The following ZNF100 variants were observed in gnomAD, a reference collection of about 807,000 sequenced individuals.
ZNF100 encodes zinc finger protein 100 (Y1).
A neutral mutation model predicts 15.8 loss-of-function variants in ZNF100; 12 were observed. The ratio of observed to expected loss-of-function variants is 0.76; its 90% CI spans 0.49 to 1.23. ZNF100 has a LOEUF of 1.23. Ranked by LOEUF, ZNF100 falls within the 50% of genes most tolerant of loss-of-function variation. ZNF100 has a pLI of 0.00. For synonymous variants in ZNF100, 226 were observed against 214.8 expected (o/e 1.05, Z -0.45); for missense variants, 670 against 635.6 (o/e 1.05, Z -0.58).
intron 2 of ZNF100, chr19:21,750,851 G>C: frequency 2.1e-6 from 1 of 484,896 alleles, no homozygotes; most frequent in South Asian, 3.9e-5. Context: ...CGCCCCATGG[G>C]GAACACGCTG....
intron 2 of ZNF100, among the ~76,000 whole-genome samples, chr19:21,765,149 GT>G (rs1374054865): frequency 2.6e-5 from 4 of 152,106 alleles, no homozygotes; most frequent in African/African-American, 9.7e-5. Flanking sequence ...CATGACCTTT[GT>G]AAATATTTTT....
At chr19:21,728,854 G>A (rs1202789319) in intron 4 of ZNF100, among the ~76,000 whole-genome samples, 1 of 151,824 alleles carries the variant, frequency 6.6e-6, no homozygotes, top group African/African-American at 2.4e-5. Flanking sequence ...ATAATACTCA[G>A]TGAGTGAAAC....
At chr19:21,738,512 A>AT in intron 4 of ZNF100, among the ~76,000 whole-genome samples, 1 of 152,034 alleles carries the variant, frequency 6.6e-6, no homozygotes. Context: ...TAAGACTGCA[A>AT]ATCTACAACT....
rs777623781 is a variant in ZNF100 at position 21,726,888 on chromosome 19, T to C, written c.1424A>G (p.His475Arg). ...TTTCTCTCCAGTATGAATCATCTTA[T>C]GTGCAGTTAGTTGTGAGGACCGGTT... ...AFNRSSQLTA[H>R]KMIHTGEKPY... The change falls in exon 5 of 5, where the codon CAT (histidine) becomes CGT (arginine). Residue 475 changes from histidine (H) to arginine (R), a missense_variant. His to Arg is a conservative substitution (Grantham distance 29). Transcript: ENST00000358296. 3 of 1,613,298 alleles carry C rather than the reference T, an allele frequency of 1.9e-6. No individual in the cohort carries two copies. Among genetic ancestry groups the C allele is most frequent in the East Asian group, 2.2e-5 (1 of 44,756 alleles).
intron 2 of ZNF100, chr19:21,750,580 A>T (rs1378114548): frequency 6.3e-6 from 1 of 158,912 alleles, no homozygotes; most frequent in African/African-American, 2.4e-5. Flanking sequence ...TCACATAAAG[A>T]GAACGAAAGA....
chr19:21,744,534 G>A (rs777337071), intron 3 of ZNF100, among the ~76,000 whole-genome samples: 15 of 151,904 alleles, frequency 9.9e-5, no homozygotes, highest in South Asian at 2.1e-4. Context: ...CACCATGCCC[G>A]GCTATTTCTG....
chr19:21,736,212 T>C (rs2036006123), intron 4 of ZNF100, among the ~76,000 whole-genome samples: 1 of 152,164 alleles, frequency 6.6e-6, no homozygotes, highest in Admixed American at 6.5e-5. Flanking sequence ...CTCAGCTTCC[T>C]GAGTAGGTGG....
Position 21,734,613 on chromosome 19 carries a change from G to C in ZNF100, c.323-6624C>G, listed in dbSNP as rs2035977190. ...GTACACTAAAGAGAGGGAAAGAATG[G>C]AACCAAGTTGGAAAACATACTTCAG... On this transcript the variant is annotated intron_variant, in intron 4 of 4. Coordinates refer to ENST00000358296, the MANE Select transcript of ZNF100 (RefSeq NM_173531.4). Among the ~76,000 whole-genome samples the C allele has an allele frequency of 2.0e-5, 3 of 152,084 alleles. No homozygotes were observed. In the South Asian group the frequency reaches 6.2e-4, roughly 32 times the overall value.
At chr19:21,751,511 G>A (rs2036306100) in intron 2 of ZNF100, 1 of 1,092,670 alleles carries the variant, frequency 9.2e-7, no homozygotes, top group African/African-American at 1.5e-5. Context: ...AACTTATGCT[G>A]AAATCGACAT....
At chr19:21,747,086 C>T (rs1482806899) in intron 2 of ZNF100, among the ~76,000 whole-genome samples, 1 of 152,126 alleles carries the variant, frequency 6.6e-6, no homozygotes, top group African/African-American at 2.4e-5. Context: ...CCTTTCCTGT[C>T]TCAGGTGCCC....
intron 4 of ZNF100, among the ~76,000 whole-genome samples, chr19:21,743,435 T>C (rs2145715718): frequency 6.6e-6 from 1 of 152,250 alleles, no homozygotes; most frequent in Non-Finnish European, 1.5e-5. Flanking sequence ...CTAAAATTTA[T>C]AAGAAACTGC....
Position 21,727,087 on chromosome 19 carries a change from C to T in ZNF100, c.1225G>A (p.Gly409Ser). The stretch of plus-strand genomic sequence containing the variant: ...GTGAGGGCTGAGGACCAGTTAAAGC[C>T]TTTGCCGCATTCTTCACATTTGTAG... ...KFYKCEECGK[G>S]FNWSSALTKH... The change falls in exon 5 of 5, where the codon GGC (glycine) becomes AGC (serine). Residue 409 changes from glycine (G) to serine (S), a missense_variant. By Grantham distance (56) the Gly-to-Ser change is moderately conservative. Coordinates refer to ENST00000358296, the MANE Select transcript of ZNF100 (RefSeq NM_173531.4). 6.2e-7 allele frequency: 1 copy of T among 1,613,534 alleles called. No homozygotes were observed. Among genetic ancestry groups the T allele is most frequent in the East Asian group, 2.2e-5 (1 of 44,852 alleles).
At chr19:21,756,056 G>T (rs1039241301) in intron 2 of ZNF100, among the ~76,000 whole-genome samples, 1 of 151,928 alleles carries the variant, frequency 6.6e-6, no homozygotes, top group Non-Finnish European at 1.5e-5. Flanking sequence ...TTTTTTAGAA[G>T]AAATTTTTTA....
In ZNF100 at chr19:21,724,872, T is replaced by C. The variant is rs1374272186; in HGVS notation, c.*1811A>G. 1 of 152,122 alleles carries C rather than the reference T, an allele frequency of 6.6e-6. No individual in the cohort carries two copies. The highest frequency in any genetic ancestry group is 2.4e-5 in the African/African-American group (1 of 41,428). The allele number at this position is 152,122 out of a possible 1,614,324, so 9.4% of individuals were successfully genotyped here. ...TTCGAGACCAGCTTGACTTACATTA[T>C]GAAACCCTGTCTCTACTAAAATACA... On this transcript the variant is annotated 3_prime_UTR_variant, in exon 5 of 5. Coordinates refer to ENST00000358296, the MANE Select transcript of ZNF100 (RefSeq NM_173531.4).
rs2035744580 is a variant in ZNF100, at chr19:21,724,722, T to C, written c.*1961A>G. The C allele has an allele frequency of 6.6e-6, 1 of 152,164 alleles. No individual in the cohort carries two copies. Among genetic ancestry groups the C allele is most frequent in the Non-Finnish European group, 1.5e-5 (1 of 68,026 alleles). The allele number at this position is 152,164 out of a possible 1,614,324, so 9.4% of individuals were successfully genotyped here. A position where few individuals can be genotyped will look rare whatever the true frequency, so the allele number is the denominator to read the frequency against. On this transcript the variant is annotated 3_prime_UTR_variant, in exon 5 of 5. Transcript: ENST00000358296. ...ATTGCATGAATATATACTCATATTA[T>C]GTACCCCAAATAATTAAGAAAAATA... is the stretch of plus-strand genomic sequence containing the variant.
In ZNF100 at chr19:21,725,798, CA is replaced by C. The variant is rs1440590114; in HGVS notation, c.*884del. On this transcript the variant is annotated 3_prime_UTR_variant, in exon 5 of 5. Coordinates refer to ENST00000358296, the MANE Select transcript of ZNF100 (RefSeq NM_173531.4). ...GTTTTAGATTATTTTCTATACTCAG[CA>C]CTCTGATTTAGTAAAATACCTGAAG... 3 of 152,106 alleles carry C rather than the reference CA, an allele frequency of 2.0e-5. No individual in the cohort carries two copies. The highest frequency in any genetic ancestry group is 4.8e-5 in the African/African-American group (2 of 41,426). The allele number at this position is 152,106 out of a possible 1,614,324, so 9.4% of individuals were successfully genotyped here.
Position 21,725,191 on chromosome 19 carries a change from T to G in ZNF100, c.*1492A>C, listed in dbSNP as rs1407070839. On this transcript the variant is annotated 3_prime_UTR_variant, in exon 5 of 5. Transcript: ENST00000358296. Reference sequence around the variant, plus strand: ...ACCAAATAGTATACTGTTACCATGTTTTACGTACACCCTTGAGTAAGGTGG... The same window carrying G: ...ACCAAATAGTATACTGTTACCATGTGTTACGTACACCCTTGAGTAAGGTGG... The G allele has an allele frequency of 6.6e-6, 1 of 152,202 alleles. No individual in the cohort carries two copies. The highest frequency in any genetic ancestry group is 1.9e-4 in the East Asian group (1 of 5,200). The allele number at this position is 152,202 out of a possible 1,614,324, so 9.4% of individuals were successfully genotyped here.
At chr19:21,757,839 G>A (rs569931930) in intron 2 of ZNF100, among the ~76,000 whole-genome samples, 4 of 152,132 alleles carry the variant, frequency 2.6e-5, no homozygotes, top group South Asian at 2.1e-4. Context: ...AGTTCAAGAC[G>A]AGTCTGGGCA....
chr19:21,760,991 T>G (rs2036475306), intron 2 of ZNF100, among the ~76,000 whole-genome samples: 1 of 151,914 alleles, frequency 6.6e-6, no homozygotes, highest in Non-Finnish European at 1.5e-5. Flanking sequence ...ATCTCCTGAC[T>G]TCGTGATCTG....
Sources: gnomAD v4.1 joint callset for allele counts (sites outside exome capture counted in the v4.1 genomes callset) on GRCh38, gnomAD v4.1.1 for gene constraint, MANE v1.5 for transcripts, NCBI Gene and HGNC (gene_info 2026-07-23, HGNC 2026-07-21) for gene names.